Variants in UNC13D observed in about 807,000 individuals in gnomAD.
UNC13D encodes unc-13 homolog D.
In UNC13D, 115 loss-of-function variants were observed where a neutral mutation model predicts 151.7. The observed-to-expected ratio is 0.76, with a 90% CI of 0.65 to 0.88. UNC13D has a LOEUF of 0.88. Among genes scored for constraint, UNC13D ranks in the 40% least tolerant of loss-of-function variants. UNC13D has a pLI of 0.00. For synonymous variants in UNC13D, 588 were observed against 612.2 expected (o/e 0.96, Z 0.58); for missense variants, 1,369 against 1,438.7 (o/e 0.95, Z 0.78).
Position 75,835,758 on chromosome 17 carries a change from T to C in UNC13D, c.1616A>G (p.Asp539Gly), listed in dbSNP as rs780794721. 13 of 1,613,754 alleles carry C rather than the reference T, an allele frequency of 8.1e-6. No individual in the cohort carries two copies. The South Asian group carries it at 1.4e-4, about 18-fold the overall frequency. ...LQWLVAKRVQ[D>G]HTTVVGDVVS... is the part of the protein sequence containing the mutation. Reference sequence around the variant, plus strand: ...TACATCACCCACAACCGTCGTGTGGTCCTGCACCCGCTTGGCCACCTGCAA... The same window carrying C: ...TACATCACCCACAACCGTCGTGTGGCCCTGCACCCGCTTGGCCACCTGCAA... Residue 539 changes from aspartate to glycine, a missense_variant, in exon 19 of 32, where the codon GAC becomes GGC. Physicochemically the swap from Asp to Gly is moderately conservative, Grantham distance 94. Transcript: ENST00000207549.
chr17:75,833,014 A>G lies in UNC13D; in HGVS notation c.2399T>C (p.Val800Ala). ...AILPLMKFLE[V>A]ELCYMNTNLV... is the part of the protein sequence containing the mutation. ...GTTGGTGTTCATGTAGCAAAGCTCC[A>G]CCTCCAGGAACTTCATCAGGGGCAG... The change falls in exon 25 of 32, where the codon GTG becomes GCG. Residue 800 changes from valine (V) to alanine (A), a missense_variant. Transcript: ENST00000207549. The surrounding 1 kb of genome is among the most constrained non-coding windows in gnomAD (Gnocchi z 4.0). 1 of 1,604,728 alleles carries G rather than the reference A, an allele frequency of 6.2e-7. No individual in the cohort carries two copies. Among genetic ancestry groups the G allele is most frequent in the Non-Finnish European group, 8.5e-7 (1 of 1,176,484 alleles).
At position 75,842,951 on chromosome 17, in the gene UNC13D, T is replaced by C. The variant is rs771138072; in HGVS notation, c.322-28A>G. ...GGAGGGACAGGAGGGATGGCCTGAG[T>C]CCCTGAGGGGGCTGGGCTTCCCAGG... is the stretch of plus-strand genomic sequence containing the variant. On this transcript the variant is annotated intron_variant, in intron 4 of 31. Transcript: ENST00000207549. 3 of 1,613,130 alleles carry C rather than the reference T, an allele frequency of 1.9e-6. No homozygotes were observed. The South Asian group carries it at 3.3e-5, about 18-fold the overall frequency.
intron 6 of UNC13D, among the ~76,000 whole-genome samples, chr17:75,841,477 T>C (rs1231345400): frequency 1.4e-5 from 2 of 138,160 alleles, no homozygotes; most frequent in Non-Finnish European, 3.1e-5. Context: ...AGTCTCACTC[T>C]GTCACCCAGG....
In UNC13D at chr17:75,835,881, T is replaced by G; in HGVS notation, c.1570A>C (p.Met524Leu). 3 of 1,614,076 alleles carry G rather than the reference T, an allele frequency of 1.9e-6. No homozygotes were observed. The highest frequency in any genetic ancestry group is 2.5e-6 in the Non-Finnish European group (3 of 1,180,000). The change falls in exon 18 of 32, where the codon ATG becomes CTG. Residue 524 changes from methionine (M) to leucine (L), a missense_variant. Physicochemically the swap from Met to Leu is conservative, Grantham distance 15. This residue lies in a region of UNC13D where 807 missense variants were observed against 795.5 expected (regional missense o/e 1.01). Coordinates refer to ENST00000207549, the MANE Select transcript of UNC13D (RefSeq NM_199242.3). ...AGCCACTGCAGCTCCCGGAAAGCCA[T>G]GGAGAAGAGGTGGATCTTGAGGGTA... ...HNTLKIHLFSMAFRELQWLVA... is the reference protein window; with the variant it reads ...HNTLKIHLFSLAFRELQWLVA...
rs766615729 is a variant in UNC13D, at chr17:75,835,908, T to G, written c.1545-2A>C. 6.8e-6 allele frequency: 11 copies of G among 1,614,174 alleles called. No homozygotes were observed. The highest frequency in any genetic ancestry group is 9.3e-6 in the Non-Finnish European group (11 of 1,180,020). On this transcript the variant is annotated splice_acceptor_variant, in intron 17 of 31. Coordinates refer to ENST00000207549, the MANE Select transcript of UNC13D (RefSeq NM_199242.3). LOFTEE classifies it high-confidence loss of function. ...GAGAAGAGGTGGATCTTGAGGGTACTGGAGGAAAGGCAGCAGGTGTCACCC... is the reference window on the plus strand; with the variant it reads ...GAGAAGAGGTGGATCTTGAGGGTACGGGAGGAAAGGCAGCAGGTGTCACCC...
intron 12 of UNC13D, among the ~76,000 whole-genome samples, chr17:75,839,564 T>C (rs1486101270): frequency 1.3e-5 from 2 of 152,050 alleles, no homozygotes; most frequent in Non-Finnish European, 2.9e-5. Flanking sequence ...GGCAGGAGTG[T>C]TGGTGTGATC....
intron 25 of UNC13D, chr17:75,831,700 C>T (rs1052140879): frequency 4.8e-4 from 153 of 319,024 alleles, no homozygotes; most frequent in African/African-American, 3.0e-3. Context: ...TGGTGGCTCA[C>T]GCCTGTAATC....
At chr17:75,841,644 G>A (rs2064950251) in intron 6 of UNC13D, among the ~76,000 whole-genome samples, 1 of 150,574 alleles carries the variant, frequency 6.6e-6, no homozygotes, top group Admixed American at 6.6e-5. Flanking sequence ...CCTTCATTGT[G>A]TTGGCCAGGC....
chr17:75,831,370 G>A, intron 25 of UNC13D, 22 bp from the exon 26 acceptor site: 1 of 1,600,638 alleles, frequency 6.2e-7, no homozygotes, highest in Non-Finnish European at 8.5e-7. Flanking sequence ...CCGGAGGGAT[G>A]CGGACACAGC....
Position 75,840,429 on chromosome 17 carries a change from C to T in UNC13D, c.753+78G>A. ...GACCCCAGGCTCAGCTTTGTGAGGA[C>T]ACAGAGCCTCTCCCCAGAACCCCTC... On this transcript the variant is annotated intron_variant, in intron 9 of 31. Transcript: ENST00000207549. The surrounding 1 kb of genome is among the most constrained non-coding windows in gnomAD (Gnocchi z 4.6). 1 of 1,609,498 alleles carries T rather than the reference C, an allele frequency of 6.2e-7. No individual in the cohort carries two copies. Among genetic ancestry groups the T allele is most frequent in the Non-Finnish European group, 8.5e-7 (1 of 1,176,380 alleles).
In UNC13D at chr17:75,835,844, G is replaced by T. The variant is rs543412754; in HGVS notation, c.1596+11C>A. Reference sequence around the variant, plus strand: ...TGGAGGGCATGCCCTAGAGACGGGGGAGGGACTCACCAGCCACTGCAGCTC... The same window carrying T: ...TGGAGGGCATGCCCTAGAGACGGGGTAGGGACTCACCAGCCACTGCAGCTC... On this transcript the variant is annotated intron_variant, in intron 18 of 31. Transcript: ENST00000207549. 1 of 1,614,090 alleles carries T rather than the reference G, an allele frequency of 6.2e-7. No individual in the cohort carries two copies. The highest frequency in any genetic ancestry group is 1.3e-5 in the African/African-American group (1 of 75,066).
chr17:75,842,010 A>G (rs9897048), intron 6 of UNC13D, among the ~76,000 whole-genome samples: 70,246 of 150,476 alleles, frequency 0.47, 20,205 homozygotes, highest in African/African-American at 0.83. Flanking sequence ...GCCTCCCAAA[A>G]TGCTGGGATT....
chr17:75,840,748 C>T lies in UNC13D; in HGVS notation c.683+14G>A, dbSNP rs1214023470. On this transcript the variant is annotated intron_variant, in intron 8 of 31. Coordinates refer to ENST00000207549, the MANE Select transcript of UNC13D (RefSeq NM_199242.3). This position sits in a 1 kb window ranked among gnomAD's most constrained non-coding sequence, Gnocchi z 4.6. ...GAGCCCCAACCCCTTCCCTGTGAGC[C>T]CTGCAACACGAACCTGCGAAGCCCA... 6.2e-7 allele frequency: 1 copy of T among 1,613,788 alleles called. No homozygotes were observed. The highest frequency in any genetic ancestry group is 1.3e-5 in the African/African-American group (1 of 74,910).
At chr17:75,829,789 G>C in intron 30 of UNC13D, 1 of 497,176 alleles carries the variant, frequency 2.0e-6, no homozygotes, top group East Asian at 4.1e-5. Flanking sequence ...TGTTGGCCAG[G>C]CTGGTCTTGA....
chr17:75,828,788 G>T lies in UNC13D; in HGVS notation c.3150C>A (p.Asn1050Lys). 6.5e-7 allele frequency: 1 copy of T among 1,538,176 alleles called. No homozygotes were observed. Among genetic ancestry groups the T allele is most frequent in the Non-Finnish European group, 8.8e-7 (1 of 1,142,374 alleles). The change falls in exon 31 of 32, where the codon AAC becomes AAA. Residue 1050 changes from asparagine (N) to lysine (K), a missense_variant and splice_region_variant. Physicochemically the swap from Asn to Lys is moderately conservative, Grantham distance 94 (BLOSUM62 0). This residue lies in a region of UNC13D where 807 missense variants were observed against 795.5 expected (regional missense o/e 1.01). Coordinates refer to ENST00000207549, the MANE Select transcript of UNC13D (RefSeq NM_199242.3). ...TRLPLTYPAPNGDPILQLLEG... is the reference protein window; with the variant it reads ...TRLPLTYPAPKGDPILQLLEG... Reference sequence around the variant, plus strand: ...ACCCTGCCCTGGGCTCAGGCCTACCGTTGGGTGCGGGGTACGTGAGGGGCA... The same window carrying T: ...ACCCTGCCCTGGGCTCAGGCCTACCTTTGGGTGCGGGGTACGTGAGGGGCA...
At chr17:75,843,438 C>G in intron 2 of UNC13D, 46 bp downstream of exon 2, 1 of 1,585,216 alleles carries the variant, frequency 6.3e-7, no homozygotes, top group Non-Finnish European at 8.6e-7. Context: ...GGAGGACACA[C>G]AGCCGCCCTC....
At chr17:75,843,677 G>T in intron 1 of UNC13D, 158 bp from the exon 2 acceptor site, 1 of 1,477,834 alleles carries the variant, frequency 6.8e-7, no homozygotes, top group Non-Finnish European at 9.0e-7. Flanking sequence ...TCCCCCAGCA[G>T]GCCTCCTGGA....
Position 75,840,738 on chromosome 17 carries a change from C to T in UNC13D, c.683+24G>A, listed in dbSNP as rs764312596. 4 of 1,613,888 alleles carry T rather than the reference C, an allele frequency of 2.5e-6. No homozygotes were observed. The highest frequency in any genetic ancestry group is 3.3e-5 in the Admixed American group (2 of 60,020). ...AGGGCAAAAGGAGCCCCAACCCCTT[C>T]CCTGTGAGCCCTGCAACACGAACCT... On this transcript the variant is annotated intron_variant, in intron 8 of 31. Transcript: ENST00000207549. The surrounding 1 kb of genome is among the most constrained non-coding windows in gnomAD (Gnocchi z 4.6).
rs745494636 is a variant in UNC13D at position 75,831,186 on chromosome 17, A to AGGT, written c.2554-20_2554-18dup. 1.9e-6 allele frequency: 3 copies of AGGT among 1,614,120 alleles called. No individual in the cohort carries two copies. Among genetic ancestry groups the AGGT allele is most frequent in the Non-Finnish European group, 2.5e-6 (3 of 1,180,032 alleles). ...CTCCAGGTTCTGGGGGAGATATCAG[A>AGGT]GGTGACCCCAGGCACCCTCCCACCA... On this transcript the variant is annotated splice_polypyrimidine_tract_variant and intron_variant, in intron 26 of 31. Coordinates refer to ENST00000207549, the MANE Select transcript of UNC13D (RefSeq NM_199242.3).
Sources: allele counts gnomAD v4.1 joint callset (sites outside exome capture counted in the v4.1 genomes callset), GRCh38; gene constraint gnomAD v4.1.1; regional missense constraint gnomAD v4.1.1; non-coding constraint Gnocchi (gnomAD v3.1); transcripts MANE v1.5; gene names NCBI Gene and HGNC (gene_info 2026-07-23, HGNC 2026-07-21).